SYNPO2: variants seen among roughly 807,000 people sequenced by gnomAD.
SYNPO2 encodes synaptopodin 2, also known as synaptopodin-2.
SYNPO2 carries 56 observed loss-of-function variants against 85.0 expected under a neutral mutation model. That is an observed-to-expected ratio of 0.66 (90% CI 0.53 to 0.82). The LOEUF (loss-of-function observed/expected upper bound fraction) is 0.82. Ranked by LOEUF, SYNPO2 falls within the 40% of genes least tolerant of loss-of-function variation. SYNPO2 has a pLI of 0.00. For synonymous variants in SYNPO2, 602 were observed against 591.1 expected (o/e 1.02, Z -0.27); for missense variants, 1,575 against 1,534.2 (o/e 1.03, Z -0.44).
chr4:118,879,387 G>C (rs1225872913), intron 1 of SYNPO2, among the ~76,000 whole-genome samples: 5 of 152,158 alleles, frequency 3.3e-5, no homozygotes, highest in African/African-American at 4.8e-5. Flanking sequence ...TAAATCCCCA[G>C]TGTATATTTG....
intron 1 of SYNPO2, among the ~76,000 whole-genome samples, chr4:118,896,004 A>G (rs1732539562): frequency 6.6e-6 from 1 of 152,204 alleles, no homozygotes; most frequent in Non-Finnish European, 1.5e-5. Flanking sequence ...TTCTCAGTTT[A>G]TAGATTAAAA....
chr4:118,990,424 G>A (rs752766585), intron 1 of SYNPO2, among the ~76,000 whole-genome samples: 18 of 152,058 alleles, frequency 1.2e-4, no homozygotes, highest in African/African-American at 2.7e-4. Context: ...TATTTATTCC[G>A]CAGATGTTTA....
intron 1 of SYNPO2, among the ~76,000 whole-genome samples, chr4:118,967,649 A>G (rs558585919): frequency 6.6e-6 from 1 of 152,234 alleles, no homozygotes; most frequent in Non-Finnish European, 1.5e-5. Context: ...CGGGTATAGC[A>G]CAATCCCTGA....
At chr4:118,903,673 T>G (rs534357249) in intron 1 of SYNPO2, among the ~76,000 whole-genome samples, 1 of 152,144 alleles carries the variant, frequency 6.6e-6, no homozygotes, top group African/African-American at 2.4e-5. Context: ...ATGTATTTTA[T>G]TTGGCCAAAT....
chr4:119,008,296 G>T (rs1025720442), intron 1 of SYNPO2, among the ~76,000 whole-genome samples: 12 of 152,090 alleles, frequency 7.9e-5, no homozygotes, highest in Non-Finnish European at 1.8e-4. Context: ...TTCTTCCTGG[G>T]TCTATCCTGG....
At chr4:118,853,081 GTTTT>G (rs1285853830) in intron 1 of SYNPO2, among the ~76,000 whole-genome samples, 1 of 152,078 alleles carries the variant, frequency 6.6e-6, no homozygotes, top group African/African-American at 2.4e-5. Flanking sequence ...AAACACAAGA[GTTTT>G]TTTCTTTGAT....
chr4:118,995,863 TATC>T (rs1371989362), intron 1 of SYNPO2, among the ~76,000 whole-genome samples: 23 of 37,338 alleles, frequency 6.2e-4, no homozygotes, highest in Admixed American at 2.9e-3. Flanking sequence ...CTATTTATCT[TATC>T]TATCTATCTA....
intron 1 of SYNPO2, among the ~76,000 whole-genome samples, chr4:118,952,374 T>A (rs79823603): frequency 0.032 from 4,921 of 152,166 alleles, 142 homozygotes; most frequent in East Asian, 0.14. Flanking sequence ...AAACTTTTTT[T>A]AAAATTTTAT....
At chr4:118,930,586 G>A (rs963544685) in intron 1 of SYNPO2, among the ~76,000 whole-genome samples, 1 of 151,986 alleles carries the variant, frequency 6.6e-6, no homozygotes, top group Non-Finnish European at 1.5e-5. Flanking sequence ...GAATAAATGA[G>A]GGGTTCTATC....
intron 1 of SYNPO2, among the ~76,000 whole-genome samples, chr4:118,965,158 T>TA (rs1253861251): frequency 1.3e-5 from 2 of 152,122 alleles, no homozygotes; most frequent in Non-Finnish European, 2.9e-5. Context: ...AAAGCAATCA[T>TA]AAAAACCAAG....
chr4:118,926,645 G>A (rs1733720984), intron 1 of SYNPO2, among the ~76,000 whole-genome samples: 1 of 152,092 alleles, frequency 6.6e-6, no homozygotes, highest in Admixed American at 6.5e-5. Context: ...GTTGCAGTTT[G>A]GTCTCTGAAC....
intron 1 of SYNPO2, among the ~76,000 whole-genome samples, chr4:118,916,417 C>A (rs1010331723): frequency 6.6e-6 from 1 of 151,912 alleles, no homozygotes; most frequent in South Asian, 2.1e-4. Context: ...AAGTGATCCA[C>A]CCCCCTCAGC....
At chr4:118,878,000 A>G (rs969411615) in intron 1 of SYNPO2, among the ~76,000 whole-genome samples, 2 of 152,224 alleles carry the variant, frequency 1.3e-5, no homozygotes, top group Non-Finnish European at 2.9e-5. Context: ...AATATGGTAC[A>G]TATAGAAAAA....
Position 118,888,910 on chromosome 4 carries a change from GCGGACGCT to G in SYNPO2, c.-125_-118del. 1.1e-6 allele frequency: 1 copy of G among 913,734 alleles called. No homozygotes were observed. The highest frequency in any genetic ancestry group is 1.7e-6 in the Non-Finnish European group (1 of 583,590). 56.6% of individuals were successfully genotyped at this position (913,734 alleles called of 1,614,324 possible). ...GGCTGGGGCAGCGGCTGCAGCAGCGGCGGACGCTCTGCATTACCCAGTCTTGCGTCCTC... is the reference window on the plus strand; with the variant it reads ...GGCTGGGGCAGCGGCTGCAGCAGCGGCTGCATTACCCAGTCTTGCGTCCTC... On this transcript the variant is annotated 5_prime_UTR_variant, in exon 1 of 5. Transcript: ENST00000307142.
intron 1 of SYNPO2, among the ~76,000 whole-genome samples, chr4:119,005,009 G>T (rs1374684127): frequency 6.6e-6 from 1 of 151,994 alleles, no homozygotes; most frequent in Non-Finnish European, 1.5e-5. Flanking sequence ...GTGTTTTTTG[G>T]CTGCATAAAT....
upstream of SYNPO2, among the ~76,000 whole-genome samples, chr4:118,888,312 A>G (rs1732245561): frequency 6.6e-6 from 1 of 152,088 alleles, no homozygotes; most frequent in African/African-American, 2.4e-5. Flanking sequence ...CTTTCTCTAA[A>G]TATATGGTTC....
chr4:119,051,167 G>T (rs921726913), intron 4 of SYNPO2, among the ~76,000 whole-genome samples: 3 of 148,234 alleles, frequency 2.0e-5, no homozygotes, highest in South Asian at 2.2e-4. Context: ...GAATCACTGG[G>T]GTAAAGCCAT....
chr4:118,970,739 C>T (rs1735510095), intron 1 of SYNPO2, among the ~76,000 whole-genome samples: 1 of 152,130 alleles, frequency 6.6e-6, no homozygotes. Flanking sequence ...TGGATTTGGC[C>T]TATGACCACA....
At chr4:118,960,440 T>C (rs1735038279) in intron 1 of SYNPO2, among the ~76,000 whole-genome samples, 1 of 152,158 alleles carries the variant, frequency 6.6e-6, no homozygotes, top group Non-Finnish European at 1.5e-5. Flanking sequence ...CTGGTGAGAA[T>C]GTAAAATGGT....
Sources: allele counts gnomAD v4.1 joint callset (sites outside exome capture counted in the v4.1 genomes callset), GRCh38; gene constraint gnomAD v4.1.1; transcripts MANE v1.5; gene names NCBI Gene and HGNC (gene_info 2026-07-23, HGNC 2026-07-21).